The following DMD variants were observed in gnomAD, a reference collection of about 807,000 sequenced individuals.
The protein encoded by DMD is mutant dystrophin.
Under a neutral mutation model 330.1 loss-of-function variants are expected in DMD, and 63 were observed. The observed-to-expected ratio is 0.19, with a 90% CI of 0.16 to 0.24. The LOEUF (loss-of-function observed/expected upper bound fraction) is 0.24. DMD is among the 10% of genes least tolerant of loss of function. The pLI, the probability that DMD is intolerant of heterozygous loss-of-function variation, is 1.00. For missense variants in DMD, 3,344 were observed against 2,684.1 expected, an observed-to-expected ratio of 1.25 and a Z score of -5.43; for synonymous variants, 1,223 against 959.8, an observed-to-expected ratio of 1.27 and a Z score of -5.07.
intron 50 of DMD, among the ~76,000 whole-genome samples, chrX:31,789,494 T>G (rs2091470072): frequency 9.0e-6 from 1 of 111,566 alleles, no homozygotes; most frequent in South Asian, 3.7e-4. Context: ...TCACACAAAT[T>G]TTGCATTTTA....
intron 44 of DMD, among the ~76,000 whole-genome samples, chrX:32,211,847 G>A (rs1046685465): frequency 2.7e-5 from 3 of 111,745 alleles, no homozygotes; most frequent in Non-Finnish European, 5.7e-5. Flanking sequence ...ATATTCAGCT[G>A]GTTTAAATAC....
intron 1 of DMD, among the ~76,000 whole-genome samples, chrX:33,180,481 G>A (rs890807630): frequency 9.0e-6 from 1 of 111,219 alleles, no homozygotes; most frequent in Non-Finnish European, 1.9e-5. Flanking sequence ...GGACCTACAA[G>A]ACTTTATAAT....
chrX:31,510,470 G>C (rs2071380088), intron 55 of DMD, among the ~76,000 whole-genome samples: 2 of 106,836 alleles, frequency 1.9e-5, no homozygotes, highest in Non-Finnish European at 3.9e-5. Flanking sequence ...CACGTGGATT[G>C]ATTTGTTCTG....
intron 30 of DMD, among the ~76,000 whole-genome samples, chrX:32,390,688 T>C (rs1393307562): frequency 9.0e-6 from 1 of 110,942 alleles, no homozygotes; most frequent in East Asian, 2.8e-4. Context: ...TTTATTTTAT[T>C]TTATTTTATT....
At chrX:31,830,937 C>G (rs1453015528) in intron 49 of DMD, among the ~76,000 whole-genome samples, 1 of 112,129 alleles carries the variant, frequency 8.9e-6, no homozygotes, top group Non-Finnish European at 1.9e-5. Flanking sequence ...CTACTTTAAT[C>G]TCATCTTCTA....
intron 2 of DMD, among the ~76,000 whole-genome samples, chrX:32,945,901 T>A (rs1371437928): frequency 9.0e-6 from 1 of 111,587 alleles, no homozygotes; most frequent in Non-Finnish European, 1.9e-5. Flanking sequence ...ATTGGCTAAA[T>A]CTGCTATGTT....
intron 27 of DMD, among the ~76,000 whole-genome samples, chrX:32,446,194 A>G (rs2098303437): frequency 1.8e-5 from 2 of 110,968 alleles, no homozygotes; most frequent in South Asian, 7.3e-4. Context: ...GTTCTAATTA[A>G]CACACCAGGT....
At chrX:32,684,747 CT>C (rs1256601201) in intron 9 of DMD, among the ~76,000 whole-genome samples, 1 of 110,842 alleles carries the variant, frequency 9.0e-6, no homozygotes, top group Non-Finnish European at 1.9e-5. Context: ...GATATATGGG[CT>C]TTTTCGCTTT....
chrX:32,987,204 T>A (rs1310525570), intron 2 of DMD, among the ~76,000 whole-genome samples: 1 of 112,109 alleles, frequency 8.9e-6, no homozygotes, highest in African/African-American at 3.2e-5. Context: ...GACATCCCTA[T>A]GCCTGATCTA....
intron 44 of DMD, among the ~76,000 whole-genome samples, chrX:32,129,805 C>T (rs2096681535): frequency 9.3e-6 from 1 of 107,854 alleles, no homozygotes; most frequent in Non-Finnish European, 1.9e-5. Context: ...TTTTCCTTGG[C>T]TTCTGATTTC....
At chrX:31,961,775 GTTT>G (rs59655083) in intron 45 of DMD, among the ~76,000 whole-genome samples, 2,493 of 69,595 alleles carry the variant, frequency 0.036, 35 homozygotes, top group Non-Finnish European at 0.054. Flanking sequence ...TTTGTTCTTT[GTTT>G]TTTTTTTTTT....
At chrX:31,569,120 A>G (rs2075620634) in intron 55 of DMD, among the ~76,000 whole-genome samples, 1 of 110,800 alleles carries the variant, frequency 9.0e-6, no homozygotes, top group Non-Finnish European at 1.9e-5. Context: ...TTCACTTCAA[A>G]CTTATGGTAA....
intron 1 of DMD, among the ~76,000 whole-genome samples, chrX:33,315,506 G>T (rs779877114): frequency 8.9e-6 from 1 of 112,022 alleles, no homozygotes; most frequent in Admixed American, 9.5e-5. Flanking sequence ...TTGGCAATAC[G>T]ATGTGTGTGT....
At chrX:33,116,399 C>T (rs2095385180) in intron 1 of DMD, among the ~76,000 whole-genome samples, 2 of 109,401 alleles carry the variant, frequency 1.8e-5, no homozygotes, top group Non-Finnish European at 3.8e-5. Context: ...GTCCCAGCTA[C>T]TCGGGAGGCT....
intron 20 of DMD, among the ~76,000 whole-genome samples, chrX:32,485,386 T>C (rs954428530): frequency 1.8e-5 from 2 of 111,047 alleles, no homozygotes; most frequent in Non-Finnish European, 3.8e-5. Flanking sequence ...GGAAAAATAC[T>C]ATGCATGACC....
intron 2 of DMD, among the ~76,000 whole-genome samples, chrX:32,905,331 T>A (rs1426536314): frequency 8.9e-6 from 1 of 112,123 alleles, no homozygotes; most frequent in South Asian, 3.7e-4. Flanking sequence ...TAGCAAAGAA[T>A]CTATGATTAA....
intron 23 of DMD, among the ~76,000 whole-genome samples, chrX:32,466,254 GAA>G (rs1245406844): frequency 9.1e-6 from 1 of 110,381 alleles, no homozygotes; most frequent in Non-Finnish European, 1.9e-5. Context: ...TCATTTAACT[GAA>G]AATGCTGCTA....
chrX:31,280,987 A>G (rs2052569025), intron 62 of DMD, among the ~76,000 whole-genome samples: 1 of 111,924 alleles, frequency 8.9e-6, no homozygotes, highest in East Asian at 2.8e-4. Context: ...ATGCTTTCCC[A>G]TAACTTCCAC....
At chrX:32,845,196 G>C (rs1388224883) in intron 3 of DMD, among the ~76,000 whole-genome samples, 1 of 111,836 alleles carries the variant, frequency 8.9e-6, no homozygotes, top group Non-Finnish European at 1.9e-5. Context: ...TAGTAAGATA[G>C]AAAAACAATT....
Sources: allele counts gnomAD v4.1 joint callset (sites outside exome capture counted in the v4.1 genomes callset), GRCh38; gene constraint gnomAD v4.1.1; transcripts MANE v1.5; gene names NCBI Gene and HGNC (gene_info 2026-07-23, HGNC 2026-07-21).